Variants in SUGP2 observed in about 807,000 individuals in gnomAD.
SUGP2 encodes SURP and G-patch domain-containing protein 2.
Under a neutral mutation model 90.5 loss-of-function variants are expected in SUGP2, and 24 were observed. The observed-to-expected ratio is 0.27, with a 90% CI of 0.19 to 0.37. SUGP2 has a LOEUF of 0.37. SUGP2 is among the 10% of genes least tolerant of loss of function. The pLI, the probability that SUGP2 is intolerant of heterozygous loss-of-function variation, is 1.00. For missense variants in SUGP2, 1,233 were observed against 1,363.3 expected (o/e 0.90, Z 1.51); for synonymous variants, 473 against 513.4 (o/e 0.92, Z 1.06).
intron 7 of SUGP2, 28 bp downstream of exon 7, chr19:19,004,140 G>A (rs1281705256): frequency 6.7e-7 from 1 of 1,501,024 alleles, no homozygotes; most frequent in Non-Finnish European, 9.0e-7. Context: ...TGTGCTAGAG[G>A]CAACTGTGCC....
chr19:18,997,387 C>T (rs1599391717), intron 8 of SUGP2, among the ~76,000 whole-genome samples: 1 of 152,074 alleles, frequency 6.6e-6, no homozygotes, highest in African/African-American at 2.4e-5. Context: ...AGGCCTGGGC[C>T]TCTGGAGCTC....
At chr19:19,028,692 G>A (rs2059025799) in intron 2 of SUGP2, among the ~76,000 whole-genome samples, 1 of 152,022 alleles carries the variant, frequency 6.6e-6, no homozygotes, top group African/African-American at 2.4e-5. Context: ...CCCACCCACG[G>A]CCCCCTAATC....
At chr19:19,017,420 A>G (rs1434303509) in intron 4 of SUGP2, among the ~76,000 whole-genome samples, 1 of 152,204 alleles carries the variant, frequency 6.6e-6, no homozygotes, top group Non-Finnish European at 1.5e-5. Flanking sequence ...AGATGCTGCT[A>G]AACAGCCTGC....
At chr19:19,033,543 A>C, upstream of SUGP2, 1 of 1,302,908 alleles carries the variant, frequency 7.7e-7, no homozygotes, top group Non-Finnish European at 9.8e-7. Context: ...CGGTCTCCGC[A>C]GCGCCGCGCC....
intron 1 of SUGP2, 142 bp downstream of exon 1, chr19:19,033,295 C>T: frequency 1.0e-6 from 1 of 989,534 alleles, no homozygotes; most frequent in Non-Finnish European, 1.2e-6. Flanking sequence ...CCCAGGCCAA[C>T]CCGGCGGGGA....
rs762565865 is a variant in SUGP2, at chr19:18,994,993, T to A, written c.3128+151A>T. ...TGTAAACACCTGCACATGTAAATGA[T>A]CAGCTTCTCATCTGAAGATGCCTTC... On this transcript the variant is annotated intron_variant, in intron 9 of 10. Coordinates refer to ENST00000452918, the MANE Select transcript of SUGP2 (RefSeq NM_001017392.5). 19 of 883,174 alleles carry A rather than the reference T, an allele frequency of 2.2e-5. No individual in the cohort carries two copies. The African/African-American group carries it at 2.8e-4, about 13-fold the overall frequency. The allele number at this position is 883,174 out of a possible 1,614,324, so 54.7% of individuals were successfully genotyped here.
intron 9 of SUGP2, 78 bp from the exon 10 acceptor site, chr19:18,994,564 C>T (rs900262165): frequency 1.9e-6 from 3 of 1,567,020 alleles, no homozygotes; most frequent in East Asian, 2.3e-5. Flanking sequence ...TGGGCACAAA[C>T]AGTCCATGAG....
Position 19,019,308 on chromosome 19 carries a change from GGGCTTAGTGCTGAACCCAAGCA to G in SUGP2, c.1730-101_1730-80del, listed in dbSNP as rs2058620062. The G allele has an allele frequency of 1.2e-5, 18 of 1,511,504 alleles. No individual in the cohort carries two copies. In the South Asian group the frequency reaches 2.2e-4, roughly 19 times the overall value. 93.6% of individuals were successfully genotyped at this position (1,511,504 alleles called of 1,614,324 possible). A position where few individuals can be genotyped will look rare whatever the true frequency, so the allele number is the denominator to read the frequency against. On this transcript the variant is annotated intron_variant, in intron 3 of 10. Coordinates refer to ENST00000452918, the MANE Select transcript of SUGP2 (RefSeq NM_001017392.5). ...AAGACGAGGATAGTTGAGTAGTTGG[GGGCTTAGTGCTGAACCCAAGCA>G]GGCATCAACAACCGAAATCCTCATT...
chr19:19,032,824 C>T (rs1206267379), intron 1 of SUGP2, among the ~76,000 whole-genome samples: 1 of 152,172 alleles, frequency 6.6e-6, no homozygotes, highest in Non-Finnish European at 1.5e-5. Flanking sequence ...CCTTAACCAT[C>T]AAGATATCCC....
chr19:18,995,087 T>TGCA (rs1568371176), intron 9 of SUGP2, 57 bp downstream of exon 9: 1 of 1,589,166 alleles, frequency 6.3e-7, no homozygotes, highest in Non-Finnish European at 8.5e-7. Context: ...AGCGGCAGGC[T>TGCA]GCAGGTGGAA....
At chr19:19,001,868 G>A (rs542355045) in intron 7 of SUGP2, among the ~76,000 whole-genome samples, 194 bp from the exon 8 acceptor site, 2 of 152,292 alleles carry the variant, frequency 1.3e-5, no homozygotes, top group East Asian at 3.9e-4. Flanking sequence ...GAGCAGAGAC[G>A]GGACACGCTC....
In SUGP2 at chr19:19,010,306, A is replaced by T. The variant is rs1444312710; in HGVS notation, c.1887T>A (p.Tyr629Ter). ...GCATTTCTGCCAACTTCAGCTTGTA[A>T]TATTTATACTCCAGACTATTTTCAT... ...LSDENSLEYK[Y>*]YKLKLAEMQR... The change falls in exon 5 of 11, where the codon TAT becomes TAA. Residue 629 changes from tyrosine (Y) to a stop codon, truncating the protein, a stop_gained. Transcript: ENST00000452918. LOFTEE classifies it high-confidence loss of function. 2.5e-6 allele frequency: 4 copies of T among 1,613,236 alleles called. No homozygotes were observed. The highest frequency in any genetic ancestry group is 1.3e-5 in the African/African-American group (1 of 74,908).
intron 3 of SUGP2, among the ~76,000 whole-genome samples, chr19:19,020,852 G>A (rs1453094001): frequency 6.6e-6 from 1 of 151,892 alleles, no homozygotes; most frequent in Non-Finnish European, 1.5e-5. Flanking sequence ...CCTAACAATT[G>A]TCTAGTTTTA....
chr19:19,023,421 G>A (rs2058803507), intron 3 of SUGP2, among the ~76,000 whole-genome samples: 1 of 152,038 alleles, frequency 6.6e-6, no homozygotes, highest in African/African-American at 2.4e-5. Flanking sequence ...TTGAACTCCT[G>A]GCCTCAAGCA....
intron 2 of SUGP2, among the ~76,000 whole-genome samples, chr19:19,030,326 C>T (rs2059105438): frequency 6.6e-6 from 1 of 151,940 alleles, no homozygotes; most frequent in South Asian, 2.1e-4. Flanking sequence ...CTCATCTCTA[C>T]TACAAATAGA....
chr19:19,031,149 T>C, intron 1 of SUGP2, 67 bp from the exon 2 acceptor site: 1 of 1,539,262 alleles, frequency 6.5e-7, no homozygotes. Flanking sequence ...GGCTCATACC[T>C]GTAATCCTGG....
chr19:19,023,708 G>C (rs534822368), intron 3 of SUGP2, among the ~76,000 whole-genome samples: 16 of 152,140 alleles, frequency 1.1e-4, no homozygotes, highest in Non-Finnish European at 2.4e-4. Flanking sequence ...AGACCAGTCT[G>C]GGCAACATGA....
chr19:19,025,438 G>T lies in SUGP2; in HGVS notation c.910C>A (p.Leu304Met), dbSNP rs2058883748. ...CTTCTGGGGAGCCGAAGATTCTTCA[G>T]ATCCAGCCCCAGAGGGATCTTCTGA... ...PIQKIPLGLD[L>M]KNLRLPRRKM... is the part of the protein sequence containing the mutation. The change falls in exon 3 of 11, where the codon CTG (leucine) becomes ATG (methionine). Residue 304 changes from leucine (L) to methionine (M), a missense_variant. This residue lies in a region of SUGP2 where 418 missense variants were observed against 399.9 expected (regional missense o/e 1.05). Coordinates refer to ENST00000452918, the MANE Select transcript of SUGP2 (RefSeq NM_001017392.5). 6.2e-7 allele frequency: 1 copy of T among 1,614,198 alleles called. No homozygotes were observed. The highest frequency in any genetic ancestry group is 1.3e-5 in the African/African-American group (1 of 75,042).
At chr19:19,000,577 A>T (rs937783218) in intron 8 of SUGP2, among the ~76,000 whole-genome samples, 1 of 152,062 alleles carries the variant, frequency 6.6e-6, no homozygotes, top group Non-Finnish European at 1.5e-5. Flanking sequence ...TTTTAAGGAG[A>T]CCAGGAGGAG....
Sources: allele counts gnomAD v4.1 joint callset (sites outside exome capture counted in the v4.1 genomes callset), GRCh38; gene constraint gnomAD v4.1.1; regional missense constraint gnomAD v4.1.1; transcripts MANE v1.5; gene names NCBI Gene and HGNC (gene_info 2026-07-23, HGNC 2026-07-21).